The following MAP2 variants were observed in gnomAD, a reference collection of about 807,000 sequenced individuals.
MAP2 encodes the protein microtubule-associated protein 2.
In MAP2, 14 loss-of-function variants were observed where a neutral mutation model predicts 137.6. The observed-to-expected ratio is 0.10, with a 90% CI of 0.07 to 0.16. The LOEUF is 0.16. Ranked by LOEUF, MAP2 falls within the 10% of genes least tolerant of loss-of-function variation. MAP2 has a pLI of 1.00. For missense variants in MAP2, 2,088 were observed against 2,191.5 expected (o/e 0.95, Z 0.94); for synonymous variants, 786 against 782.3 (o/e 1.00, Z -0.08).
At chr2:209,666,666 T>A (rs1024122719) in intron 5 of MAP2, among the ~76,000 whole-genome samples, 8 of 152,072 alleles carry the variant, frequency 5.3e-5, no homozygotes, top group African/African-American at 1.9e-4. Context: ...TGGATTTCAC[T>A]CTTTAAGGGT....
chr2:209,651,495 G>A (rs755971083), intron 4 of MAP2, among the ~76,000 whole-genome samples: 1 of 152,144 alleles, frequency 6.6e-6, no homozygotes, highest in Non-Finnish European at 1.5e-5. Flanking sequence ...CAGGAACTGT[G>A]TTGAGCCCTT....
At chr2:209,527,371 G>A (rs2064226287) in intron 2 of MAP2, among the ~76,000 whole-genome samples, 1 of 152,036 alleles carries the variant, frequency 6.6e-6, no homozygotes, top group African/African-American at 2.4e-5. Flanking sequence ...CTAACATCTA[G>A]CCAAGTTTTT....
chr2:209,561,416 A>G (rs1224535226), intron 2 of MAP2, among the ~76,000 whole-genome samples: 1 of 152,030 alleles, frequency 6.6e-6, no homozygotes, highest in African/African-American at 2.4e-5. Flanking sequence ...ATTCAGGCTC[A>G]TGAAGAAGCT....
At chr2:209,590,437 G>T (rs1399241356) in intron 3 of MAP2, among the ~76,000 whole-genome samples, 2 of 152,114 alleles carry the variant, frequency 1.3e-5, no homozygotes, top group African/African-American at 4.8e-5. Flanking sequence ...CCGGATTCAA[G>T]TGATTCTCTT....
At chr2:209,577,076 G>A (rs1350088706) in intron 2 of MAP2, among the ~76,000 whole-genome samples, 2 of 152,048 alleles carry the variant, frequency 1.3e-5, no homozygotes, top group Admixed American at 1.3e-4. Flanking sequence ...TAAGTCTTAG[G>A]CATCATTTTT....
At chr2:209,459,802 C>G (rs1253208285) in intron 1 of MAP2, among the ~76,000 whole-genome samples, 2 of 152,160 alleles carry the variant, frequency 1.3e-5, no homozygotes, top group South Asian at 2.1e-4. Flanking sequence ...GTCTTCATGC[C>G]TGCAGGACTG....
intron 14 of MAP2, among the ~76,000 whole-genome samples, chr2:209,727,332 G>A (rs574237764): frequency 1.1e-4 from 16 of 152,276 alleles, no homozygotes; most frequent in African/African-American, 2.9e-4. Flanking sequence ...GGAATACTTG[G>A]CAACACTGCC....
chr2:209,552,426 TGCTTTTAATAACATCAGG>T (rs1310787765), intron 2 of MAP2, among the ~76,000 whole-genome samples: 1 of 152,204 alleles, frequency 6.6e-6, no homozygotes, highest in Non-Finnish European at 1.5e-5. Context: ...ATTGAATTTA[TGCTTTTAATAACATCAGG>T]GCTTAGAATG....
intron 1 of MAP2, among the ~76,000 whole-genome samples, chr2:209,433,914 A>T (rs116813638): frequency 1.8e-3 from 272 of 152,218 alleles, no homozygotes; most frequent in African/African-American, 6.3e-3. Flanking sequence ...AAAAAATTCC[A>T]TTCTCAATAT....
At chr2:209,686,175 G>A (rs898836614) in intron 7 of MAP2, among the ~76,000 whole-genome samples, 6 of 152,262 alleles carry the variant, frequency 3.9e-5, no homozygotes, top group East Asian at 1.9e-4. Context: ...AAATCGTGCC[G>A]AGTTGAACTA....
chr2:209,562,847 A>C (rs563601531), intron 2 of MAP2, among the ~76,000 whole-genome samples: 22 of 152,222 alleles, frequency 1.4e-4, no homozygotes, highest in Non-Finnish European at 2.6e-4. Context: ...TAGCCTTAGA[A>C]TATAAAGCAG....
intron 4 of MAP2, among the ~76,000 whole-genome samples, chr2:209,641,669 T>C (rs1459061221): frequency 6.6e-6 from 1 of 151,272 alleles, no homozygotes; most frequent in Non-Finnish European, 1.5e-5. Context: ...AATTCCTTAA[T>C]TAAATATCAC....
At chr2:209,655,515 A>C (rs191131650) in intron 5 of MAP2, among the ~76,000 whole-genome samples, 17 of 152,200 alleles carry the variant, frequency 1.1e-4, no homozygotes, top group African/African-American at 4.1e-4. Flanking sequence ...AATTAAATTT[A>C]TTTCCAAACT....
Position 209,573,298 on chromosome 2 carries a change from G to GC in MAP2, c.-171-6738_-171-6737insC, listed in dbSNP as rs770132978. Among the ~76,000 whole-genome samples, 95 of 120,066 alleles carry GC rather than the reference G, an allele frequency of 7.9e-4. 1 individual carries two copies. Among genetic ancestry groups the GC allele is most frequent in the Admixed American group, 2.6e-3 (31 of 11,722 alleles). 78.8% of individuals were successfully genotyped at this position (120,066 alleles called of 152,430 possible). ...TTCTTTTCTTTATTTTTCTTTTTCT[G>GC]TTTTTTTTTTTTTTTTGAGGAGTCT... On this transcript the variant is annotated intron_variant, in intron 2 of 15. Coordinates refer to ENST00000682079, the MANE Select transcript of MAP2 (RefSeq NM_001375505.1).
intron 7 of MAP2, among the ~76,000 whole-genome samples, chr2:209,681,161 A>T (rs2054385886): frequency 6.6e-6 from 1 of 152,186 alleles, no homozygotes; most frequent in Non-Finnish European, 1.5e-5. Flanking sequence ...ACTGAACAAA[A>T]ATTAAAATAA....
At chr2:209,716,729 C>T (rs1314053130) in intron 13 of MAP2, among the ~76,000 whole-genome samples, 3 of 150,636 alleles carry the variant, frequency 2.0e-5, no homozygotes, top group South Asian at 4.2e-4. Context: ...ACCTTAGGTA[C>T]TGATTTTTTT....
intron 3 of MAP2, among the ~76,000 whole-genome samples, chr2:209,586,210 T>C (rs1217227380): frequency 1.3e-5 from 2 of 152,056 alleles, no homozygotes; most frequent in Admixed American, 1.3e-4. Context: ...TTGCTGCTTA[T>C]TAACATGGAA....
chr2:209,440,699 A>C (rs1195453448), intron 1 of MAP2, among the ~76,000 whole-genome samples: 1 of 151,506 alleles, frequency 6.6e-6, no homozygotes, highest in Non-Finnish European at 1.5e-5. Context: ...AATGTCATAA[A>C]GGAAGGTTGG....
intron 2 of MAP2, among the ~76,000 whole-genome samples, chr2:209,577,319 G>A (rs1273452298): frequency 6.6e-6 from 1 of 151,898 alleles, no homozygotes; most frequent in African/African-American, 2.4e-5. Flanking sequence ...TTTTCAAAAT[G>A]TGATTTATTC....
Sources: allele counts gnomAD v4.1 joint callset (sites outside exome capture counted in the v4.1 genomes callset), GRCh38; gene constraint gnomAD v4.1.1; transcripts MANE v1.5; gene names NCBI Gene and HGNC (gene_info 2026-07-23, HGNC 2026-07-21).